Variants in NLGN3 observed in about 807,000 individuals in gnomAD.
NLGN3 encodes the protein neuroligin 3.
NLGN3 carries 11 observed loss-of-function variants against 42.9 expected under a neutral mutation model. The ratio of observed to expected loss-of-function variants is 0.26; its 90% CI spans 0.16 to 0.42. NLGN3 has a LOEUF of 0.42. Among genes scored for constraint, NLGN3 ranks in the 10% least tolerant of loss-of-function variants. The pLI is 1.00. For synonymous variants in NLGN3, 279 were observed against 312.7 expected, an observed-to-expected ratio of 0.89 and a Z score of 1.14; for missense variants, 374 against 733.8, an observed-to-expected ratio of 0.51 and a Z score of 5.67.
At position 71,169,882 on chromosome X, in the gene NLGN3, G is replaced by T. The variant is rs17857401; in HGVS notation, c.2332G>T (p.Gly778Cys). The change falls in exon 8 of 8, where the codon GGT (glycine) becomes TGT (cysteine). Residue 778 changes from glycine (G) to cysteine (C), a missense_variant. Gly to Cys is a radical substitution (Grantham distance 159). This residue lies in a region of NLGN3 where 92 missense variants were observed against 108.0 expected (regional missense o/e 0.85). Transcript: ENST00000358741. ...LGPTHHECEA[G>C]PPHDTLRLTA... is the part of the protein sequence containing the mutation. ...CCCCACCCACCACGAGTGTGAGGCC[G>T]GTCCCCCCCATGACACGCTGCGCCT... 8.3e-7 allele frequency: 1 copy of T among 1,199,084 alleles called. No individual in the cohort carries two copies. Among genetic ancestry groups the T allele is most frequent in the East Asian group, 3.0e-5 (1 of 33,030 alleles).
chrX:71,146,149 T>A lies in NLGN3; in HGVS notation c.-201+1185T>A, dbSNP rs372593793. 1.9e-3 allele frequency among the ~76,000 whole-genome samples: 67 copies of A among 35,800 alleles called. 2 individuals carry two copies. The highest frequency in any genetic ancestry group is 2.3e-3 in the Non-Finnish European group (49 of 20,912). 31.1% of individuals were successfully genotyped at this position (35,800 alleles called of 115,157 possible). ...TTCTCTCTCTCTCTCTCTCTCTCTC[T>A]CTCTCACACACACACACACACAGAC... is the stretch of plus-strand genomic sequence containing the variant. On this transcript the variant is annotated intron_variant, in intron 1 of 7. Coordinates refer to ENST00000358741, the MANE Select transcript of NLGN3 (RefSeq NM_181303.2).
intron 3 of NLGN3, among the ~76,000 whole-genome samples, chrX:71,152,789 T>C (rs1015789784): frequency 1.8e-5 from 2 of 111,191 alleles, no homozygotes; most frequent in African/African-American, 6.6e-5. Context: ...TGGCTCTCTC[T>C]ACATCTCAGA....
At chrX:71,158,183 T>A (rs750555708) in intron 5 of NLGN3, among the ~76,000 whole-genome samples, 3 of 110,233 alleles carry the variant, frequency 2.7e-5, no homozygotes, top group Non-Finnish European at 5.7e-5. Context: ...GCTCAAGTGA[T>A]CCTCCCACCT....
At chrX:71,148,611 G>A (rs1381593295) in intron 2 of NLGN3, among the ~76,000 whole-genome samples, 1 of 111,389 alleles carries the variant, frequency 9.0e-6, no homozygotes, top group Non-Finnish European at 1.9e-5. Flanking sequence ...GGTGTGTGGG[G>A]GGTGGGGCAG....
chrX:71,167,373 G>A lies in NLGN3; in HGVS notation c.1276G>A (p.Gly426Ser), dbSNP rs1378071113. Reference protein sequence around the residue: ...GVVDPEDGVSGTDFDYSVSNF... With the variant: ...GVVDPEDGVSSTDFDYSVSNF... Reference sequence around the variant, plus strand: ...GGTGGACCCTGAGGATGGTGTCTCTGGCACTGACTTTGACTATTCCGTCTC... The same window carrying A: ...GGTGGACCCTGAGGATGGTGTCTCTAGCACTGACTTTGACTATTCCGTCTC... Residue 426 changes from glycine (G) to serine (S), a missense_variant, in exon 7 of 8, where the codon GGC becomes AGC. Physicochemically the swap from Gly to Ser is moderately conservative, Grantham distance 56. Transcript: ENST00000358741. 1 of 1,211,735 alleles carries A rather than the reference G, an allele frequency of 8.3e-7. No individual in the cohort carries two copies. Among genetic ancestry groups the A allele is most frequent in the East Asian group, 3.0e-5 (1 of 33,837 alleles).
At chrX:71,162,661 A>T (rs1232226695) in intron 5 of NLGN3, among the ~76,000 whole-genome samples, 1 of 112,245 alleles carries the variant, frequency 8.9e-6, no homozygotes, top group Non-Finnish European at 1.9e-5. Context: ...GTAAATTAAT[A>T]ACACACTTGA....
chrX:71,159,747 CAG>C (rs1407211561), intron 5 of NLGN3, among the ~76,000 whole-genome samples: 1 of 106,592 alleles, frequency 9.4e-6, no homozygotes, highest in Non-Finnish European at 1.9e-5. Flanking sequence ...TTAATTGAGA[CAG>C]AGTCTTGCTC....
chrX:71,166,143 G>GT (rs757412608), intron 6 of NLGN3, among the ~76,000 whole-genome samples: 86 of 109,921 alleles, frequency 7.8e-4, no homozygotes, highest in African/African-American at 2.7e-3. Flanking sequence ...TGAATTTGAA[G>GT]TATCGGTAGC....
intron 1 of NLGN3, among the ~76,000 whole-genome samples, chrX:71,146,358 GGCGTGGGTGT>G (rs1474936572): frequency 9.3e-6 from 1 of 107,998 alleles, no homozygotes; most frequent in African/African-American, 3.4e-5. Context: ...ATGTGCATGT[GGCGTGGGTGT>G]GCGTGTGTGT....
Position 71,169,869 on chromosome X carries a change from C to A in NLGN3, c.2319C>A (p.His773Gln). Residue 773 changes from histidine to glutamine, a missense_variant, in exon 8 of 8, where the codon CAC becomes CAA. His to Gln is a conservative substitution (Grantham distance 24). Around this residue, in one of 6 missense-constraint regions of NLGN3, gnomAD observed 92 missense variants for 108.0 expected, o/e 0.85. Coordinates refer to ENST00000358741, the MANE Select transcript of NLGN3 (RefSeq NM_181303.2). Reference sequence around the variant, plus strand: ...CATTACAACTGGGCCCCACCCACCACGAGTGTGAGGCCGGTCCCCCCCATG... The same window carrying A: ...CATTACAACTGGGCCCCACCCACCAAGAGTGTGAGGCCGGTCCCCCCCATG... The part of the protein sequence containing the change: ...LAALQLGPTH[H>Q]ECEAGPPHDT... 8.3e-7 allele frequency: 1 copy of A among 1,200,192 alleles called. No homozygotes were observed. The highest frequency in any genetic ancestry group is 1.1e-6 in the Non-Finnish European group (1 of 889,605).
intron 1 of NLGN3, among the ~76,000 whole-genome samples, chrX:71,146,172 G>GACACACACACACACACACAC (rs1168453634): frequency 2.6e-5 from 1 of 38,217 alleles, no homozygotes; most frequent in Non-Finnish European, 4.7e-5. Flanking sequence ...CACACACACA[G>GACACACACACACACACACAC]ACACACACAC....
chrX:71,159,814 C>T (rs1453141996), intron 5 of NLGN3, among the ~76,000 whole-genome samples: 1 of 107,331 alleles, frequency 9.3e-6, no homozygotes, highest in African/African-American at 3.4e-5. Context: ...CAACCTCTGC[C>T]GCCGGGTTCA....
intron 3 of NLGN3, among the ~76,000 whole-genome samples, chrX:71,151,424 TC>T (rs759624215): frequency 8.9e-6 from 1 of 112,239 alleles, no homozygotes; most frequent in East Asian, 2.8e-4. Flanking sequence ...TCAAATTAGT[TC>T]CCTACCCAGG....
chrX:71,172,892 G>A (rs2092473477), downstream of NLGN3, among the ~76,000 whole-genome samples: 2 of 111,248 alleles, frequency 1.8e-5, no homozygotes, highest in South Asian at 7.5e-4. Context: ...GTTCTCAATC[G>A]CAGTTGCCAA....
intron 1 of NLGN3, among the ~76,000 whole-genome samples, chrX:71,146,153 T>TCTCACACACA (rs1185227027): frequency 2.3e-4 from 6 of 26,335 alleles, no homozygotes; most frequent in African/African-American, 4.7e-4. Context: ...TCTCTCTCTC[T>TCTCACACACA]CACACACACA....
At position 71,167,030 on chromosome X, in the gene NLGN3, C is replaced by T. The variant is rs2092449399; in HGVS notation, c.933C>T (p.Ile311=). Residue 311 remains isoleucine, a synonymous_variant, in exon 7 of 8, where the codon ATC becomes ATT. Transcript: ENST00000358741. ...HHSEGLFQRA[I]IQSGSALSSW... is the part of the protein sequence containing the mutation. ...CTGTAGGACTTTTCCAGAGAGCCAT[C>T]ATCCAAAGTGGCTCTGCTCTGTCCA... is the stretch of plus-strand genomic sequence containing the variant. 8.3e-7 allele frequency: 1 copy of T among 1,199,499 alleles called. No homozygotes were observed. The highest frequency in any genetic ancestry group is 1.7e-5 in the African/African-American group (1 of 57,680).
chrX:71,168,864 AGAAAGAGAAAGAAAAGAAAG>A (rs1569485709), intron 7 of NLGN3, among the ~76,000 whole-genome samples: 30 of 90,272 alleles, frequency 3.3e-4, no homozygotes, highest in African/African-American at 1.6e-3. Flanking sequence ...AAAGAAAGAA[AGAAAGAGAAAGAAAAGAAAG>A]AGAAAGAAAG....
chrX:71,172,995 A>G (rs1460756095), downstream of NLGN3, among the ~76,000 whole-genome samples: 1 of 107,958 alleles, frequency 9.3e-6, no homozygotes, highest in African/African-American at 3.4e-5. Flanking sequence ...TTTTTTTAAC[A>G]GAGATGGGGT....
chrX:71,153,437 C>T (rs1333438143), intron 3 of NLGN3, 40 bp from the exon 4 acceptor site: 1 of 1,161,992 alleles, frequency 8.6e-7, no homozygotes, highest in Non-Finnish European at 1.2e-6. Flanking sequence ...GTTTTGTTCT[C>T]TGTTCTGTGC....
Sources: allele counts gnomAD v4.1 joint callset (sites outside exome capture counted in the v4.1 genomes callset), GRCh38; gene constraint gnomAD v4.1.1; regional missense constraint gnomAD v4.1.1; transcripts MANE v1.5; gene names NCBI Gene and HGNC (gene_info 2026-07-23, HGNC 2026-07-21).